Variants in PIK3CA observed in about 807,000 individuals in gnomAD.
The protein encoded by PIK3CA is phosphatidylinositol 4,5-bisphosphate 3-kinase catalytic subunit alpha isoform.
Under a neutral mutation model 138.2 loss-of-function variants are expected in PIK3CA, and 27 were observed. That is an observed-to-expected ratio of 0.20 (90% CI 0.14 to 0.27). PIK3CA has a LOEUF of 0.27. PIK3CA is among the 10% of genes least tolerant of loss of function. The pLI, the probability that PIK3CA is intolerant of heterozygous loss-of-function variation, is 1.00. For missense variants in PIK3CA, 544 were observed against 1,277.4 expected, an observed-to-expected ratio of 0.43 and a Z score of 8.75; for synonymous variants, 358 against 413.2, an observed-to-expected ratio of 0.87 and a Z score of 1.62.
intron 1 of PIK3CA, among the ~76,000 whole-genome samples, chr3:179,153,774 A>G (rs971749292): frequency 2.7e-4 from 41 of 152,060 alleles, no homozygotes; most frequent in African/African-American, 9.2e-4. Context: ...AGTGAATTTT[A>G]TAAGTAACTT....
At position 179,219,176 on chromosome 3, in the gene PIK3CA, AT is replaced by A; in HGVS notation, c.1665-16del. 1 of 1,468,918 alleles carries A rather than the reference AT, an allele frequency of 6.8e-7. No individual in the cohort carries two copies. Among genetic ancestry groups the A allele is most frequent in the Non-Finnish European group, 9.5e-7 (1 of 1,050,388 alleles). 91.0% of individuals were successfully genotyped at this position (1,468,918 alleles called of 1,614,324 possible). The stretch of plus-strand genomic sequence containing the variant: ...ACAGCATGCAAGAATGTTTATGTTT[AT>A]TTTGTTTCTCCCACACAGACACTAT... On this transcript the variant is annotated intron_variant, in intron 10 of 20. Transcript: ENST00000263967. This position sits in a 1 kb window ranked among gnomAD's most constrained non-coding sequence, Gnocchi z 4.2.
chr3:179,162,487 A>G (rs1395531080), intron 1 of PIK3CA, among the ~76,000 whole-genome samples: 1 of 152,094 alleles, frequency 6.6e-6, no homozygotes, highest in Non-Finnish European at 1.5e-5. Context: ...TTGGGATTAC[A>G]TGCCTAAGTT....
At position 179,235,045 on chromosome 3, in the gene PIK3CA, T is replaced by C. The variant is rs1725303830; in HGVS notation, c.*681T>C. 1 of 203,288 alleles carries C rather than the reference T, an allele frequency of 4.9e-6. No individual in the cohort carries two copies. Among genetic ancestry groups the C allele is most frequent in the African/African-American group, 2.3e-5 (1 of 43,550 alleles). The allele number at this position is 203,288 out of a possible 1,614,324, so 12.6% of individuals were successfully genotyped here. ...ACAAATGAGACCTGTTATAAGGTGGTATTTTTTTTTTTCTTCTGGACAGTA... is the reference window on the plus strand; with the variant it reads ...ACAAATGAGACCTGTTATAAGGTGGCATTTTTTTTTTTCTTCTGGACAGTA... On this transcript the variant is annotated 3_prime_UTR_variant, in exon 21 of 21. Coordinates refer to ENST00000263967, the MANE Select transcript of PIK3CA (RefSeq NM_006218.4).
intron 1 of PIK3CA, among the ~76,000 whole-genome samples, chr3:179,185,531 CA>C (rs1723956452): frequency 6.6e-6 from 1 of 152,156 alleles, no homozygotes; most frequent in Admixed American, 6.5e-5. Context: ...TCAGTTCTGA[CA>C]CTATCTGCCT....
intron 14 of PIK3CA, 87 bp from the exon 15 acceptor site, chr3:179,223,994 G>A (rs1725024483): frequency 1.4e-6 from 1 of 732,598 alleles, no homozygotes; most frequent in South Asian, 1.6e-5. Context: ...ACAGTACTGA[G>A]GTTCTCATGT....
chr3:179,203,505 A>G (rs1724474790), intron 4 of PIK3CA, 39 bp from the exon 5 acceptor site: 2 of 1,563,658 alleles, frequency 1.3e-6, no homozygotes, highest in Non-Finnish European at 1.7e-6. Flanking sequence ...AAAATGAAAA[A>G]CCTTACAGGA....
At chr3:179,206,729 A>G (rs901440683) in intron 6 of PIK3CA, among the ~76,000 whole-genome samples, 5 of 152,112 alleles carry the variant, frequency 3.3e-5, no homozygotes, top group African/African-American at 1.2e-4. Flanking sequence ...ACCCTGGGCT[A>G]TATGGAAAAA....
chr3:179,148,767 C>CGAGA (rs1007026070), intron 1 of PIK3CA, among the ~76,000 whole-genome samples, 164 bp downstream of exon 1: 13 of 152,128 alleles, frequency 8.5e-5, no homozygotes, highest in African/African-American at 3.1e-4. Context: ...CGCACCCTCT[C>CGAGA]CCTCGCCTGC....
chr3:179,167,952 T>C (rs1285166183), intron 1 of PIK3CA, among the ~76,000 whole-genome samples: 1 of 152,188 alleles, frequency 6.6e-6, no homozygotes, highest in Admixed American at 6.5e-5. Context: ...CCTCAGTTCT[T>C]CATCTGTTGC....
At position 179,238,192 on chromosome 3, in the gene PIK3CA, C is replaced by G. The variant is rs1725368890; in HGVS notation, c.*3828C>G. Reference sequence around the variant, plus strand: ...AGTATATTGTATACCGTAAGAGAATCAACTCTTCATCATGGATGGGATTGT... The same window carrying G: ...AGTATATTGTATACCGTAAGAGAATGAACTCTTCATCATGGATGGGATTGT... On this transcript the variant is annotated 3_prime_UTR_variant, in exon 21 of 21. Coordinates refer to ENST00000263967, the MANE Select transcript of PIK3CA (RefSeq NM_006218.4). 4.5e-6 allele frequency: 1 copy of G among 221,946 alleles called. No individual in the cohort carries two copies. The highest frequency in any genetic ancestry group is 5.8e-5 in the Admixed American group (1 of 17,352). 13.7% of individuals were successfully genotyped at this position (221,946 alleles called of 1,614,324 possible). A position where few individuals can be genotyped will look rare whatever the true frequency, so the allele number is the denominator to read the frequency against.
rs536344415 is a variant in PIK3CA, at chr3:179,148,445, G to A, written c.-235G>A. On this transcript the variant is annotated 5_prime_UTR_variant, in exon 1 of 21. Coordinates refer to ENST00000263967, the MANE Select transcript of PIK3CA (RefSeq NM_006218.4). ...TGGGGCTGGGGCCGCCGGCGAGGCA[G>A]GGCTCGGGCCCGGCCGGGCAGCTCC... The A allele has an allele frequency of 2.0e-5, 3 of 151,108 alleles. No individual in the cohort carries two copies. Among genetic ancestry groups the A allele is most frequent in the African/African-American group, 7.3e-5 (3 of 41,358 alleles). The allele number at this position is 151,108 out of a possible 1,614,324, so 9.4% of individuals were successfully genotyped here. A position where few individuals can be genotyped will look rare whatever the true frequency, so the allele number is the denominator to read the frequency against.
intron 1 of PIK3CA, among the ~76,000 whole-genome samples, chr3:179,184,919 A>G (rs1412574504): frequency 6.6e-6 from 1 of 152,232 alleles, no homozygotes; most frequent in African/African-American, 2.4e-5. Context: ...ATTTATCTAA[A>G]TACTAAAGAG....
At chr3:179,202,350 G>T (rs1030096728) in intron 4 of PIK3CA, among the ~76,000 whole-genome samples, 2 of 152,192 alleles carry the variant, frequency 1.3e-5, no homozygotes, top group African/African-American at 4.8e-5. Context: ...GATTACAGGC[G>T]TGAGCCATTG....
chr3:179,201,254 G>A (rs2108389189), intron 3 of PIK3CA, 36 bp from the exon 4 acceptor site: 1 of 1,558,764 alleles, frequency 6.4e-7, no homozygotes, highest in Non-Finnish European at 8.7e-7. Flanking sequence ...AAATGAAAGA[G>A]AGATGGTGAT....
In PIK3CA at chr3:179,219,462, T is replaced by A. The variant is rs920283681; in HGVS notation, c.1747-109T>A. The A allele has an allele frequency of 1.6e-5, 11 of 676,558 alleles. No individual in the cohort carries two copies. In the African/African-American group the frequency reaches 2.0e-4, roughly 12 times the overall value. The allele number at this position is 676,558 out of a possible 1,614,324, so 41.9% of individuals were successfully genotyped here. A position where few individuals can be genotyped will look rare whatever the true frequency, so the allele number is the denominator to read the frequency against. Reference sequence around the variant, plus strand: ...TTAGAACTGTAAATTCTAAGGAGATTATTTATCTAAACTAATTTTAAAATC... The same window carrying A: ...TTAGAACTGTAAATTCTAAGGAGATAATTTATCTAAACTAATTTTAAAATC... On this transcript the variant is annotated intron_variant, in intron 11 of 20. Transcript: ENST00000263967. The surrounding 1 kb of genome is among the most constrained non-coding windows in gnomAD (Gnocchi z 4.2).
Position 179,225,926 on chromosome 3 carries a change from G to A in PIK3CA, c.2417-36G>A, listed in dbSNP as rs188974972. On this transcript the variant is annotated intron_variant, in intron 16 of 20. Coordinates refer to ENST00000263967, the MANE Select transcript of PIK3CA (RefSeq NM_006218.4). The stretch of plus-strand genomic sequence containing the variant: ...GCGTGATCCCCAAATTTGCATCTGT[G>A]GCATTAAATGGTGATACATATTATT... The A allele has an allele frequency of 2.8e-3, 2,881 of 1,046,094 alleles. 7 individuals are homozygous for A. Among genetic ancestry groups the A allele is most frequent in the Non-Finnish European group, 3.9e-3 (2,630 of 670,582 alleles). The allele number at this position is 1,046,094 out of a possible 1,614,324, so 64.8% of individuals were successfully genotyped here. A position where few individuals can be genotyped will look rare whatever the true frequency, so the allele number is the denominator to read the frequency against.
intron 1 of PIK3CA, among the ~76,000 whole-genome samples, chr3:179,160,734 C>G (rs1170297526): frequency 1.3e-5 from 2 of 152,174 alleles, no homozygotes; most frequent in Non-Finnish European, 2.9e-5. Flanking sequence ...GTACAACACA[C>G]AATTTTGTAC....
chr3:179,236,575 G>C lies in PIK3CA; in HGVS notation c.*2211G>C, dbSNP rs1367161867. 4.4e-6 allele frequency: 1 copy of C among 225,012 alleles called. No homozygotes were observed. The highest frequency in any genetic ancestry group is 8.9e-6 in the Non-Finnish European group (1 of 111,754). The allele number at this position is 225,012 out of a possible 1,614,324, so 13.9% of individuals were successfully genotyped here. On this transcript the variant is annotated 3_prime_UTR_variant, in exon 21 of 21. Transcript: ENST00000263967. The stretch of plus-strand genomic sequence containing the variant: ...TTTACCCGAGTGCCAAAAATGCTGT[G>C]AGCCTCCTTGCACAAAATTTATACC...
chr3:179,210,055 A>C, intron 7 of PIK3CA, 131 bp from the exon 8 acceptor site: 1 of 664,288 alleles, frequency 1.5e-6, no homozygotes, highest in Non-Finnish European at 2.4e-6. Flanking sequence ...AACCTTGAAA[A>C]ATCAATTTTT....
Sources: allele counts gnomAD v4.1 joint callset (sites outside exome capture counted in the v4.1 genomes callset), GRCh38; gene constraint gnomAD v4.1.1; non-coding constraint Gnocchi (gnomAD v3.1); transcripts MANE v1.5; gene names NCBI Gene and HGNC (gene_info 2026-07-23, HGNC 2026-07-21).